Variants in ELAPOR2 observed in about 807,000 individuals in gnomAD.
ELAPOR2 encodes endosome-lysosome associated apoptosis and autophagy regulator family member 2, also known as endosome/lysosome-associated apoptosis and autophagy regulator family member 2.
Under a neutral mutation model 120.7 loss-of-function variants are expected in ELAPOR2, and 89 were observed. That is an observed-to-expected ratio of 0.74 (90% CI 0.62 to 0.88). The LOEUF (loss-of-function observed/expected upper bound fraction) is 0.88, where lower values mean the gene tolerates loss of function less well. ELAPOR2 is among the 40% of genes least tolerant of loss of function. The pLI, the probability that ELAPOR2 is intolerant of heterozygous loss-of-function variation, is 0.00. For synonymous variants in ELAPOR2, 444 were observed against 444.9 expected, an observed-to-expected ratio of 1.00 and a Z score of 0.03; for missense variants, 1,134 against 1,251.6, an observed-to-expected ratio of 0.91 and a Z score of 1.42.
chr7:86,946,243 CA>C (rs1791003987), intron 3 of ELAPOR2, among the ~76,000 whole-genome samples: 1 of 151,642 alleles, frequency 6.6e-6, no homozygotes, highest in Admixed American at 6.6e-5. Context: ...CTTAACAATA[CA>C]AATGTTGGTA....
chr7:86,904,914 CAA>C (rs1220323732), intron 18 of ELAPOR2, among the ~76,000 whole-genome samples: 1 of 152,082 alleles, frequency 6.6e-6, no homozygotes, highest in Non-Finnish European at 1.5e-5. Context: ...TCTGCACTAC[CAA>C]AGTCTCCTTC....
At chr7:87,022,342 G>A (rs148149280) in intron 1 of ELAPOR2, among the ~76,000 whole-genome samples, 1,565 of 149,148 alleles carry the variant, frequency 0.01, 30 homozygotes, top group African/African-American at 0.037. Context: ...TGGTTTTATT[G>A]TCCTTGCGAT....
At chr7:86,989,160 C>T (rs1792857257) in intron 1 of ELAPOR2, among the ~76,000 whole-genome samples, 1 of 152,110 alleles carries the variant, frequency 6.6e-6, no homozygotes, top group African/African-American at 2.4e-5. Flanking sequence ...ATTAGTGAGC[C>T]ACCAGATTAT....
chr7:87,057,824 C>T (rs1382174503), intron 1 of ELAPOR2, among the ~76,000 whole-genome samples: 1 of 152,150 alleles, frequency 6.6e-6, no homozygotes, highest in Admixed American at 6.5e-5. Context: ...TACTAAGAAT[C>T]GATGTTATCA....
At chr7:86,976,956 A>ATT (rs2116533970) in intron 1 of ELAPOR2, among the ~76,000 whole-genome samples, 1 of 152,320 alleles carries the variant, frequency 6.6e-6, no homozygotes, top group South Asian at 2.1e-4. Flanking sequence ...ACTGCCCTGC[A>ATT]TAAGTTCTGT....
At chr7:86,935,820 G>A (rs1790538886) in intron 8 of ELAPOR2, among the ~76,000 whole-genome samples, 1 of 151,988 alleles carries the variant, frequency 6.6e-6, no homozygotes, top group South Asian at 2.1e-4. Context: ...AAGTATGAAT[G>A]AGCAAGCCAT....
chr7:86,990,905 T>G (rs1354069687), intron 1 of ELAPOR2, among the ~76,000 whole-genome samples: 2 of 152,230 alleles, frequency 1.3e-5, no homozygotes, highest in Admixed American at 1.3e-4. Context: ...ATGCTTCAAC[T>G]GCAAAGCATC....
Position 86,912,966 on chromosome 7 carries a change from C to T in ELAPOR2, c.1970G>A (p.Cys657Tyr). 1 of 1,613,966 alleles carries T rather than the reference C, an allele frequency of 6.2e-7. No homozygotes were observed. Among genetic ancestry groups the T allele is most frequent in the South Asian group, 1.1e-5 (1 of 91,076 alleles). The change falls in exon 14 of 22, where the codon TGC becomes TAC. Residue 657 changes from cysteine to tyrosine, a missense_variant. Physicochemically the swap from Cys to Tyr is radical, Grantham distance 194. Transcript: ENST00000450689. ...QVYGKEACIP[C>Y]GPGSKNNQDH... ...CTGATTGTTTTTACTCCCAGGCCCG[C>T]ATGGAATACAAGCCTCTTTGCCATA...
At chr7:86,940,605 T>C (rs1394583671) in intron 5 of ELAPOR2, among the ~76,000 whole-genome samples, 1 of 152,086 alleles carries the variant, frequency 6.6e-6, no homozygotes, top group African/African-American at 2.4e-5. Context: ...AGGGATAATC[T>C]GATTTAACTC....
At chr7:86,902,862 T>C (rs1373150568) in intron 18 of ELAPOR2, among the ~76,000 whole-genome samples, 2 of 152,150 alleles carry the variant, frequency 1.3e-5, no homozygotes, top group Non-Finnish European at 2.9e-5. Context: ...CCCCTCACCC[T>C]TCAAAGTGTC....
chr7:87,016,355 T>A (rs917117214), intron 1 of ELAPOR2, among the ~76,000 whole-genome samples: 4 of 151,690 alleles, frequency 2.6e-5, no homozygotes, highest in East Asian at 1.9e-4. Flanking sequence ...TCTCAAAAAA[T>A]ATATATATAT....
intron 1 of ELAPOR2, among the ~76,000 whole-genome samples, chr7:87,049,229 A>G (rs1795035250): frequency 6.6e-6 from 1 of 152,174 alleles, no homozygotes; most frequent in South Asian, 2.1e-4. Context: ...GACTATAGAG[A>G]AAAACAAAAG....
chr7:86,887,458 C>T (rs1326927550), intron 21 of ELAPOR2, among the ~76,000 whole-genome samples: 2 of 152,078 alleles, frequency 1.3e-5, no homozygotes, highest in African/African-American at 2.4e-5. Context: ...ACTGGTGATG[C>T]CTCACCACTA....
intron 10 of ELAPOR2, among the ~76,000 whole-genome samples, chr7:86,924,783 G>A (rs1789992522): frequency 1.3e-5 from 2 of 151,230 alleles, no homozygotes; most frequent in South Asian, 2.1e-4. Flanking sequence ...AAACGTATGT[G>A]TTAAAAAGCA....
At chr7:86,944,826 G>C in intron 4 of ELAPOR2, 73 bp downstream of exon 4, 1 of 1,269,382 alleles carries the variant, frequency 7.9e-7, no homozygotes, top group Non-Finnish European at 1.1e-6. Flanking sequence ...AAAGTGGAAT[G>C]GGAACAACTG....
intron 2 of ELAPOR2, among the ~76,000 whole-genome samples, chr7:86,960,129 T>C (rs1791645608): frequency 6.6e-6 from 1 of 152,246 alleles, no homozygotes; most frequent in African/African-American, 2.4e-5. Flanking sequence ...TAGTATATGA[T>C]TTATCCTGGA....
intron 1 of ELAPOR2, among the ~76,000 whole-genome samples, chr7:86,989,588 G>A (rs1363739335): frequency 9.2e-5 from 14 of 152,120 alleles, no homozygotes; most frequent in Admixed American, 6.5e-4. Context: ...TGAAACTTTC[G>A]AGCCAGATTT....
intron 18 of ELAPOR2, among the ~76,000 whole-genome samples, chr7:86,900,340 A>C (rs561781081): frequency 6.6e-5 from 10 of 152,290 alleles, no homozygotes; most frequent in Admixed American, 2.0e-4. Context: ...CAAATGACTT[A>C]ACTCCTTCTT....
At chr7:87,032,130 T>C (rs937762590) in intron 1 of ELAPOR2, among the ~76,000 whole-genome samples, 1 of 152,146 alleles carries the variant, frequency 6.6e-6, no homozygotes, top group Non-Finnish European at 1.5e-5. Context: ...TGCTTACATA[T>C]GTCAAAACTG....
Sources: allele counts gnomAD v4.1 joint callset (sites outside exome capture counted in the v4.1 genomes callset), GRCh38; gene constraint gnomAD v4.1.1; transcripts MANE v1.5; gene names NCBI Gene and HGNC (gene_info 2026-07-23, HGNC 2026-07-21).